The following GOLM2 variants were observed in gnomAD, a reference collection of about 807,000 sequenced individuals.
GOLM2 encodes protein GOLM2.
Under a neutral mutation model 55.9 loss-of-function variants are expected in GOLM2, and 26 were observed. The observed-to-expected ratio is 0.47, with a 90% CI of 0.34 to 0.65. The LOEUF (loss-of-function observed/expected upper bound fraction) is 0.65. GOLM2 is among the 30% of genes least tolerant of loss of function. The probability of loss-of-function intolerance (pLI) is 0.01; values close to 1 mark genes in which losing one functional copy is unlikely to be tolerated. For synonymous variants in GOLM2, 165 were observed against 194.6 expected (o/e 0.85, Z 1.27); for missense variants, 486 against 531.8 (o/e 0.91, Z 0.85).
chr15:44,349,692 CTTCTCCTCAGTACATGCATCA>C (rs1429420725), intron 6 of GOLM2, among the ~76,000 whole-genome samples: 9 of 152,174 alleles, frequency 5.9e-5, no homozygotes, highest in Non-Finnish European at 2.9e-5. Context: ...AATACACATT[CTTCTCCTCAGTACATGCATCA>C]TTCTCAAGGG....
At chr15:44,293,461 A>G (rs746299981) in intron 1 of GOLM2, among the ~76,000 whole-genome samples, 2 of 152,106 alleles carry the variant, frequency 1.3e-5, no homozygotes, top group Non-Finnish European at 2.9e-5. Flanking sequence ...TTACATTTAG[A>G]CATTATGTCT....
intron 1 of GOLM2, among the ~76,000 whole-genome samples, chr15:44,295,215 G>A (rs138454496): frequency 1.3e-5 from 2 of 152,042 alleles, no homozygotes; most frequent in Non-Finnish European, 2.9e-5. Context: ...GAGTAGCTGA[G>A]ACTACAGGTG....
At chr15:44,350,085 T>C (rs1051913028) in intron 6 of GOLM2, among the ~76,000 whole-genome samples, 11 of 151,442 alleles carry the variant, frequency 7.3e-5, no homozygotes, top group African/African-American at 2.4e-4. Context: ...CCTAAAGAAC[T>C]AGAAAAGCAA....
intron 8 of GOLM2, 58 bp from the exon 9 acceptor site, chr15:44,402,829 T>C: frequency 1.9e-6 from 3 of 1,573,208 alleles, no homozygotes; most frequent in Non-Finnish European, 2.6e-6. Context: ...GCCTTCCGTA[T>C]AGATTCCTTC....
At chr15:44,387,588 C>T (rs1397474026) in intron 8 of GOLM2, 2 of 152,020 alleles carry the variant, frequency 1.3e-5, no homozygotes, top group African/African-American at 4.8e-5. Flanking sequence ...CATGGTGAAA[C>T]CCCATCTCTA....
At chr15:44,341,307 C>G (rs1028196148) in intron 6 of GOLM2, among the ~76,000 whole-genome samples, 1 of 152,038 alleles carries the variant, frequency 6.6e-6, no homozygotes, top group Non-Finnish European at 1.5e-5. Context: ...GTCTCGATCT[C>G]CCAACCTTGT....
chr15:44,289,340 G>T lies in GOLM2; in HGVS notation c.311G>T (p.Arg104Ile), dbSNP rs763287981. 5 of 1,612,372 alleles carry T rather than the reference G, an allele frequency of 3.1e-6. No homozygotes were observed. Among genetic ancestry groups the T allele is most frequent in the Non-Finnish European group, 4.2e-6 (5 of 1,179,330 alleles). ...RLQAREGLGKRCEDDKVKLQN... is the reference protein window; with the variant it reads ...RLQAREGLGKICEDDKVKLQN... ...CAGGCCAGAGAGGGCCTCGGGAAGA[G>T]ATGCGAGGATGACAAGGTAAGGACG... The change falls in exon 1 of 10, where the codon AGA becomes ATA. Residue 104 changes from arginine (R) to isoleucine (I), a missense_variant. Physicochemically the swap from Arg to Ile is moderately conservative, Grantham distance 97 (BLOSUM62 -3). Coordinates refer to ENST00000299957, the MANE Select transcript of GOLM2 (RefSeq NM_138423.4). The surrounding 1 kb of genome is among the most constrained non-coding windows in gnomAD (Gnocchi z 4.8).
intron 8 of GOLM2, among the ~76,000 whole-genome samples, chr15:44,393,461 C>G (rs1274104035): frequency 1.3e-5 from 2 of 152,074 alleles, no homozygotes; most frequent in African/African-American, 4.8e-5. Flanking sequence ...ATAATCCCAG[C>G]AGAGTTTGGG....
chr15:44,316,510 C>T (rs2078910793), intron 1 of GOLM2, among the ~76,000 whole-genome samples: 2 of 152,080 alleles, frequency 1.3e-5, no homozygotes, highest in South Asian at 4.1e-4. Context: ...AATCCCAGCA[C>T]TTTGGGAGGC....
In GOLM2 at chr15:44,380,799, GC is replaced by G. The variant is rs747658480; in HGVS notation, c.902-5del. ...TATTCTTTTAATTTGATGTTTTTAT[GC>G]CACAGATTCACACATAAACCACAAT... is the stretch of plus-strand genomic sequence containing the variant. On this transcript the variant is annotated splice_region_variant and splice_polypyrimidine_tract_variant and intron_variant, in intron 7 of 9. Coordinates refer to ENST00000299957, the MANE Select transcript of GOLM2 (RefSeq NM_138423.4). 3 of 1,462,706 alleles carry G rather than the reference GC, an allele frequency of 2.1e-6. No individual in the cohort carries two copies. Among genetic ancestry groups the G allele is most frequent in the Non-Finnish European group, 2.7e-6 (3 of 1,104,762 alleles). The allele number at this position is 1,462,706 out of a possible 1,614,324, so 90.6% of individuals were successfully genotyped here.
intron 9 of GOLM2, among the ~76,000 whole-genome samples, chr15:44,403,915 T>A (rs569123870): frequency 2.0e-5 from 3 of 152,322 alleles, no homozygotes; most frequent in South Asian, 4.1e-4. Flanking sequence ...GAGTTTTTTT[T>A]ATATTTATTA....
intron 1 of GOLM2, among the ~76,000 whole-genome samples, chr15:44,290,897 G>A (rs1484513020): frequency 6.6e-6 from 1 of 151,884 alleles, no homozygotes; most frequent in Admixed American, 6.6e-5. Context: ...CGCCCCCCCG[G>A]GGTTCAAGCA....
intron 6 of GOLM2, among the ~76,000 whole-genome samples, chr15:44,364,257 C>T (rs1334060442): frequency 2.0e-5 from 3 of 152,172 alleles, no homozygotes; most frequent in African/African-American, 7.2e-5. Flanking sequence ...GGTATGGTGG[C>T]TCACATCTGT....
chr15:44,338,176 A>G, intron 5 of GOLM2, 61 bp from the exon 6 acceptor site: 1 of 1,510,098 alleles, frequency 6.6e-7, no homozygotes, highest in Non-Finnish European at 9.2e-7. Context: ...ACATTCCTTC[A>G]AAACATTTTC....
At chr15:44,338,426 C>T (rs78798765) in intron 6 of GOLM2, 109 bp downstream of exon 6, 35,228 of 753,234 alleles carry the variant, frequency 0.047, 1,893 homozygotes, top group African/African-American at 0.18. Flanking sequence ...TCTGGATGAT[C>T]GATATTTCTA....
At chr15:44,306,322 C>T (rs1329793428) in intron 1 of GOLM2, among the ~76,000 whole-genome samples, 1 of 151,866 alleles carries the variant, frequency 6.6e-6, no homozygotes, top group Non-Finnish European at 1.5e-5. Context: ...TTTTAAACTT[C>T]ATGAACCAAC....
intron 6 of GOLM2, among the ~76,000 whole-genome samples, chr15:44,342,132 ACAC>A (rs1256862024): frequency 6.6e-6 from 1 of 152,180 alleles, no homozygotes; most frequent in African/African-American, 2.4e-5. Flanking sequence ...ACTGGGAAAA[ACAC>A]CACGTGTATT....
intron 9 of GOLM2, among the ~76,000 whole-genome samples, chr15:44,412,070 G>T (rs1250496217): frequency 6.6e-6 from 1 of 152,066 alleles, no homozygotes; most frequent in Non-Finnish European, 1.5e-5. Context: ...GGAGGTTGAG[G>T]TGGGAGGATT....
intron 3 of GOLM2, among the ~76,000 whole-genome samples, chr15:44,330,067 C>T (rs1212408472): frequency 1.3e-5 from 2 of 150,980 alleles, no homozygotes; most frequent in Non-Finnish European, 1.5e-5. Context: ...CCCGCCACCA[C>T]GCCCGGCTAA....
Sources: allele counts gnomAD v4.1 joint callset (sites outside exome capture counted in the v4.1 genomes callset), GRCh38; gene constraint gnomAD v4.1.1; non-coding constraint Gnocchi (gnomAD v3.1); transcripts MANE v1.5; gene names NCBI Gene and HGNC (gene_info 2026-07-23, HGNC 2026-07-21).